The following SEC31B variants were observed in gnomAD, a reference collection of about 807,000 sequenced individuals.
SEC31B encodes protein transport protein Sec31B.
A neutral mutation model predicts 135.0 loss-of-function variants in SEC31B; 113 were observed. The observed-to-expected ratio is 0.84, with a 90% confidence interval of 0.72 to 0.98. SEC31B has a LOEUF of 0.98. Ranked by LOEUF, SEC31B falls within the 50% of genes least tolerant of loss-of-function variation. The pLI, the probability that SEC31B is intolerant of heterozygous loss-of-function variation, is 0.00. For missense variants in SEC31B, 1,296 were observed against 1,421.1 expected (o/e 0.91, Z 1.42); for synonymous variants, 508 against 549.4 (o/e 0.92, Z 1.05).
intron 10 of SEC31B, 40 bp downstream of exon 10, chr10:100,505,320 AC>A: frequency 2.5e-6 from 4 of 1,604,606 alleles, no homozygotes; most frequent in Admixed American, 1.7e-5. Context: ...ACACACACAC[AC>A]ACACAAACAC....
intron 20 of SEC31B, 103 bp from the exon 21 acceptor site, chr10:100,490,425 G>T (rs929238264): frequency 1.7e-6 from 2 of 1,176,278 alleles, no homozygotes; most frequent in African/African-American, 1.6e-5. Flanking sequence ...AATAATAAAT[G>T]ATTAATACAT....
At chr10:100,501,372 C>T (rs935560872) in intron 11 of SEC31B, among the ~76,000 whole-genome samples, 1 of 152,224 alleles carries the variant, frequency 6.6e-6, no homozygotes. Context: ...TCTTTACCAT[C>T]TCACCATTCC....
In SEC31B at chr10:100,496,428, G is replaced by A. The variant is rs2133678875; in HGVS notation, c.2140C>T (p.Leu714=). The change falls in exon 18 of 26, where the codon CTG becomes TTG. Residue 714 remains leucine (L), a synonymous_variant. Transcript: ENST00000370345. The part of the protein sequence containing the change: ...QALSPMALQD[L]MEKVMVLNRS... ...TTAAGAACCATCACCTTCTCCATCA[G>A]GTCCTGTAAGGGCAAGGATGAGGGT... 1 of 1,614,054 alleles carries A rather than the reference G, an allele frequency of 6.2e-7. No individual in the cohort carries two copies. Among genetic ancestry groups the A allele is most frequent in the East Asian group, 2.2e-5 (1 of 44,878 alleles).
intron 3 of SEC31B, among the ~76,000 whole-genome samples, chr10:100,514,736 T>C (rs563782156): frequency 1.3e-5 from 2 of 152,116 alleles, no homozygotes; most frequent in Non-Finnish European, 2.9e-5. Flanking sequence ...AAGGAGTTCA[T>C]CAATCATCAG....
intron 20 of SEC31B, 157 bp from the exon 21 acceptor site, chr10:100,490,479 C>T (rs1851281701): frequency 5.4e-6 from 5 of 927,036 alleles, no homozygotes; most frequent in Admixed American, 3.2e-5. Context: ...TAACTATATT[C>T]CTTATTTGAC....
intron 19 of SEC31B, chr10:100,494,999 T>G (rs993965658): frequency 3.6e-6 from 1 of 278,530 alleles, no homozygotes; most frequent in African/African-American, 2.3e-5. Flanking sequence ...ATCATTATTT[T>G]GTATTTTCAG....
intron 5 of SEC31B, among the ~76,000 whole-genome samples, chr10:100,508,302 G>C (rs1194073814): frequency 6.6e-6 from 1 of 152,146 alleles, no homozygotes; most frequent in African/African-American, 2.4e-5. Context: ...TAAGAGGATA[G>C]AGTCAAGATT....
In SEC31B at chr10:100,490,247, G is replaced by C. The variant is rs1418123160; in HGVS notation, c.2726C>G (p.Pro909Arg). 1 of 1,613,758 alleles carries C rather than the reference G, an allele frequency of 6.2e-7. No individual in the cohort carries two copies. Among genetic ancestry groups the C allele is most frequent in the Non-Finnish European group, 8.5e-7 (1 of 1,179,868 alleles). ...PNPVGFPGTW[P>R]LPGSPLPMAC... ...CATGGGTAGAGGGGAACCAGGAAGA[G>C]GCCATGTCCCAGGGAATCCCACCGG... Residue 909 changes from proline (P) to arginine (R), a missense_variant, in exon 21 of 26, where the codon CCT becomes CGT. Physicochemically the swap from Pro to Arg is moderately radical, Grantham distance 103. Transcript: ENST00000370345.
chr10:100,517,024 C>T, intron 1 of SEC31B, 27 bp from the exon 2 acceptor site: 2 of 1,124,402 alleles, frequency 1.8e-6, no homozygotes, highest in Non-Finnish European at 1.4e-6. Context: ...GCAAACTTAA[C>T]AGCCAGATCC....
intron 5 of SEC31B, chr10:100,508,527 G>A (rs929623121): frequency 4.3e-6 from 2 of 463,534 alleles, no homozygotes; most frequent in African/African-American, 4.0e-5. Context: ...CCCAGTTACA[G>A]ATTGACAGAC....
In SEC31B at chr10:100,496,290, C is replaced by T. The variant is rs758067644; in HGVS notation, c.2278G>A (p.Ala760Thr). The T allele has an allele frequency of 1.1e-5, 18 of 1,614,066 alleles. No homozygotes were observed. The African/African-American group carries it at 1.3e-4, about 12-fold the overall frequency. Residue 760 changes from alanine to threonine, a missense_variant, in exon 18 of 26, where the codon GCC (alanine) becomes ACC (threonine). Transcript: ENST00000370345. ...CAGTCCCTGGGTAGAAAGCTCATGG[C>T]AGTGGCCAGGCTGCCCTGGGCTGCC... ...LLAAQGSLAT[A>T]MSFLPRDCAQ...
intron 24 of SEC31B, 86 bp from the exon 25 acceptor site, chr10:100,488,184 G>T: frequency 7.9e-7 from 1 of 1,264,350 alleles, no homozygotes; most frequent in Non-Finnish European, 1.1e-6. Context: ...ATTAGGCCGG[G>T]CATGGTGGCT....
intron 23 of SEC31B, 76 bp from the exon 24 acceptor site, chr10:100,489,050 C>T (rs1206384315): frequency 2.0e-6 from 3 of 1,531,538 alleles, no homozygotes; most frequent in African/African-American, 2.8e-5. Flanking sequence ...GACTAGTCCC[C>T]AGTGACTCAC....
At chr10:100,495,655 T>C (rs1420331851) in intron 18 of SEC31B, 109 bp from the exon 19 acceptor site, 1 of 1,120,922 alleles carries the variant, frequency 8.9e-7, no homozygotes, top group African/African-American at 1.6e-5. Context: ...CCAACCTGTG[T>C]TATTTTGTTG....
In SEC31B at chr10:100,502,377, T is replaced by C; in HGVS notation, c.1287A>G (p.Glu429=). 1.2e-6 allele frequency: 2 copies of C among 1,614,166 alleles called. No homozygotes were observed. The highest frequency in any genetic ancestry group is 2.2e-5 in the South Asian group (2 of 91,074). ...VFISQVTTES[E]FLMRSAELQE... ...GCAGCTCAGCTGATCGCATCAGGAATTCAGATTCTGTGGTGACTTGACTGA... is the reference window on the plus strand; with the variant it reads ...GCAGCTCAGCTGATCGCATCAGGAACTCAGATTCTGTGGTGACTTGACTGA... The change falls in exon 11 of 26, where the codon GAA becomes GAG. Residue 429 remains glutamate (E), a synonymous_variant. Coordinates refer to ENST00000370345, the MANE Select transcript of SEC31B (RefSeq NM_015490.4).
intron 19 of SEC31B, among the ~76,000 whole-genome samples, chr10:100,493,198 C>T (rs1851335588): frequency 6.6e-6 from 1 of 151,956 alleles, no homozygotes; most frequent in South Asian, 2.1e-4. Context: ...ATGGTGAAAC[C>T]CCATCTCCAC....
intron 24 of SEC31B, among the ~76,000 whole-genome samples, chr10:100,488,315 C>T (rs530222294): frequency 6.1e-4 from 92 of 151,860 alleles, no homozygotes; most frequent in Non-Finnish European, 1.1e-3. Context: ...AAAAATTAGC[C>T]GGGTATGGAG....
chr10:100,514,219 C>T (rs1346084140), intron 3 of SEC31B, among the ~76,000 whole-genome samples: 1 of 152,102 alleles, frequency 6.6e-6, no homozygotes. Context: ...CCATTAAAAT[C>T]TCTGCCCACA....
In SEC31B at chr10:100,505,472, G is replaced by A; in HGVS notation, c.1068C>T (p.Gly356=). The A allele has an allele frequency of 6.4e-7, 1 of 1,567,352 alleles. No individual in the cohort carries two copies. Among genetic ancestry groups the A allele is most frequent in the South Asian group, 1.2e-5 (1 of 81,804 alleles). The change falls in exon 10 of 26, where the codon GGC becomes GGT. Residue 356 remains glycine (G), a synonymous_variant. Transcript: ENST00000370345. ...ADKISSSFSK[G]QPLPPLQVPE... is the part of the protein sequence containing the mutation. ...GCACCTGCAGTGGTGGGAGAGGCTG[G>A]CCTTTGCTGAAGGAAGAGGAGATCT...
Sources: allele counts gnomAD v4.1 joint callset (sites outside exome capture counted in the v4.1 genomes callset), GRCh38; gene constraint gnomAD v4.1.1; transcripts MANE v1.5; gene names NCBI Gene and HGNC (gene_info 2026-07-23, HGNC 2026-07-21).